ADIPOR2: variants seen among roughly 807,000 people sequenced by gnomAD.
The protein encoded by ADIPOR2 is adiponectin receptor protein 2.
In ADIPOR2, 18 loss-of-function variants were observed where a neutral mutation model predicts 40.9. That is an observed-to-expected ratio of 0.44 (90% CI 0.30 to 0.65). The LOEUF (loss-of-function observed/expected upper bound fraction) is 0.65, where lower values mean the gene tolerates loss of function less well. Among genes scored for constraint, ADIPOR2 ranks in the 30% least tolerant of loss-of-function variants. The probability of loss-of-function intolerance (pLI) is 0.09; values close to 1 mark genes in which losing one functional copy is unlikely to be tolerated. For missense variants in ADIPOR2, 283 were observed against 479.2 expected, an observed-to-expected ratio of 0.59 and a Z score of 3.82; for synonymous variants, 165 against 166.4, an observed-to-expected ratio of 0.99 and a Z score of 0.06.
intron 1 of ADIPOR2, among the ~76,000 whole-genome samples, chr12:1,716,743 A>G (rs2094688416): frequency 6.6e-6 from 1 of 152,166 alleles, no homozygotes; most frequent in Non-Finnish European, 1.5e-5. Flanking sequence ...TTCAGTCTTT[A>G]TTTCCTAAAG....
At position 1,727,244 on chromosome 12, in the gene ADIPOR2, G is replaced by T. The variant is rs115699548; in HGVS notation, c.-86-27014G>T. On this transcript the variant is annotated intron_variant, in intron 1 of 7. Transcript: ENST00000357103. Reference sequence around the variant, plus strand: ...TAGGTCAAGTGTGTACTGTATTTCTGTTCTTTCACAGTTTTTTATTCGATT... The same window carrying T: ...TAGGTCAAGTGTGTACTGTATTTCTTTTCTTTCACAGTTTTTTATTCGATT... Among the ~76,000 whole-genome samples the T allele has an allele frequency of 4.4e-3, 665 of 152,160 alleles. 5 individuals are homozygous for T. Among genetic ancestry groups the T allele is most frequent in the African/African-American group, 0.015 (634 of 41,492 alleles).
chr12:1,695,011 G>GTTTTTTTTTTTTTTT (rs199627849), intron 1 of ADIPOR2, among the ~76,000 whole-genome samples: 1 of 128,312 alleles, frequency 7.8e-6, no homozygotes, highest in Non-Finnish European at 1.6e-5. Flanking sequence ...TTGTGTTGCA[G>GTTTTTTTTTTTTTTT]TTTTTTTTTT....
chr12:1,732,018 A>G (rs561288555), intron 1 of ADIPOR2, among the ~76,000 whole-genome samples: 3 of 151,986 alleles, frequency 2.0e-5, no homozygotes, highest in Admixed American at 6.5e-5. Flanking sequence ...AAAAAAGCTT[A>G]GACTTTTTTT....
intron 2 of ADIPOR2, among the ~76,000 whole-genome samples, chr12:1,769,480 C>T (rs1338038921): frequency 1.3e-5 from 2 of 152,184 alleles, no homozygotes; most frequent in Non-Finnish European, 2.9e-5. Flanking sequence ...TTCCTTTATA[C>T]AAGGGTAGGA....
intron 2 of ADIPOR2, among the ~76,000 whole-genome samples, chr12:1,755,431 C>T (rs1049794926): frequency 6.6e-6 from 1 of 152,168 alleles, no homozygotes; most frequent in African/African-American, 2.4e-5. Flanking sequence ...AGGGAGAAGA[C>T]GTGGTCTATG....
intron 1 of ADIPOR2, among the ~76,000 whole-genome samples, chr12:1,720,342 G>A (rs771006410): frequency 2.0e-5 from 3 of 152,128 alleles, no homozygotes; most frequent in Non-Finnish European, 4.4e-5. Flanking sequence ...GGACTGGTGG[G>A]CAGGGGGTGG....
intron 2 of ADIPOR2, among the ~76,000 whole-genome samples, chr12:1,770,164 C>T (rs1038533862): frequency 6.6e-6 from 1 of 152,170 alleles, no homozygotes; most frequent in African/African-American, 2.4e-5. Context: ...TCAAGCCATC[C>T]TCCTGTCTTG....
intron 2 of ADIPOR2, among the ~76,000 whole-genome samples, chr12:1,768,835 G>C (rs1862438637): frequency 6.6e-6 from 1 of 152,170 alleles, no homozygotes; most frequent in Non-Finnish European, 1.5e-5. Flanking sequence ...CGGGAGGGGG[G>C]AGATATTTCA....
Position 1,779,204 on chromosome 12 carries a change from T to TA in ADIPOR2, c.463+1184dup, listed in dbSNP as rs961274815. On this transcript the variant is annotated intron_variant, in intron 4 of 7. Coordinates refer to ENST00000357103, the MANE Select transcript of ADIPOR2 (RefSeq NM_024551.3). ...CAAGATGACTGAAAACATGTTCACA[T>TA]AAAAACATGAACACAGAAGTTTGCA... 2.0e-5 allele frequency among the ~76,000 whole-genome samples: 3 copies of TA among 152,234 alleles called. No homozygotes were observed. In the East Asian group the frequency reaches 5.8e-4, roughly 29 times the overall value.
chr12:1,772,767 C>T (rs1862513769), intron 2 of ADIPOR2, 75 bp from the exon 3 acceptor site: 5 of 1,485,582 alleles, frequency 3.4e-6, no homozygotes, highest in Non-Finnish European at 4.5e-6. Context: ...ATTATAATTC[C>T]ACAAGGGAAA....
At chr12:1,769,103 C>T (rs1176167394) in intron 2 of ADIPOR2, among the ~76,000 whole-genome samples, 2 of 152,102 alleles carry the variant, frequency 1.3e-5, no homozygotes, top group African/African-American at 2.4e-5. Context: ...TCTTTGGGTA[C>T]TGTGGTTTGG....
intron 2 of ADIPOR2, among the ~76,000 whole-genome samples, chr12:1,767,269 C>CAAAAAA (rs61401998): frequency 1.1e-5 from 1 of 87,464 alleles, no homozygotes; most frequent in South Asian, 4.0e-4. Context: ...AAGACTTCGT[C>CAAAAAA]AAAAAAAAAA....
In ADIPOR2 at chr12:1,713,973, G is replaced by T. The variant is rs575237191; in HGVS notation, c.-87+22782G>T. ...TAAACATACCCGGGGTTCAGTGAGG[G>T]TGATGACATGAGCTGGCGCTTGCCC... is the stretch of plus-strand genomic sequence containing the variant. On this transcript the variant is annotated intron_variant, in intron 1 of 7. Coordinates refer to ENST00000357103, the MANE Select transcript of ADIPOR2 (RefSeq NM_024551.3). Among the ~76,000 whole-genome samples, 169 of 152,180 alleles carry T rather than the reference G, an allele frequency of 1.1e-3. 6 individuals carry two copies. The South Asian group carries it at 0.034, about 31-fold the overall frequency.
In ADIPOR2 at chr12:1,780,784, C is replaced by G. The variant is rs893922616; in HGVS notation, c.651-105C>G. The G allele has an allele frequency of 6.6e-6, 9 of 1,369,756 alleles. No homozygotes were observed. In the African/African-American group the frequency reaches 7.4e-5, roughly 11 times the overall value. The allele number at this position is 1,369,756 out of a possible 1,614,324, so 84.9% of individuals were successfully genotyped here. A position where few individuals can be genotyped will look rare whatever the true frequency, so the allele number is the denominator to read the frequency against. On this transcript the variant is annotated intron_variant, in intron 5 of 7. Transcript: ENST00000357103. Reference sequence around the variant, plus strand: ...AATTAAAGAGCAACCCAGTTTGGCTCTTAGGTGTCGTTGATGGCTTATGTC... The same window carrying G: ...AATTAAAGAGCAACCCAGTTTGGCTGTTAGGTGTCGTTGATGGCTTATGTC...
At chr12:1,763,802 A>C (rs2154443860) in intron 2 of ADIPOR2, among the ~76,000 whole-genome samples, 1 of 152,164 alleles carries the variant, frequency 6.6e-6, no homozygotes, top group Non-Finnish European at 1.5e-5. Context: ...AACATAGCGA[A>C]ACCTTATCTC....
At chr12:1,718,380 A>G (rs770415573) in intron 1 of ADIPOR2, among the ~76,000 whole-genome samples, 2 of 152,056 alleles carry the variant, frequency 1.3e-5, no homozygotes, top group African/African-American at 4.8e-5. Flanking sequence ...TCCAGCATCT[A>G]TTTTCAACTC....
chr12:1,780,520 T>C lies in ADIPOR2; in HGVS notation c.533T>C (p.Leu178Pro). The C allele has an allele frequency of 6.2e-7, 1 of 1,614,016 alleles. No homozygotes were observed. Among genetic ancestry groups the C allele is most frequent in the Non-Finnish European group, 8.5e-7 (1 of 1,179,944 alleles). ...CCAAATATCTCCTTTGTGGCCCCTC[T>C]GCAAGAGAAGGTGGTCTTTGGATTA... ...FRPNISFVAPLQEKVVFGLFF... is the reference protein window; with the variant it reads ...FRPNISFVAPPQEKVVFGLFF... Residue 178 changes from leucine to proline, a missense_variant, in exon 5 of 8, where the codon CTG becomes CCG. Physicochemically the swap from Leu to Pro is moderately conservative, Grantham distance 98. Transcript: ENST00000357103.
At chr12:1,770,220 T>C (rs867454860) in intron 2 of ADIPOR2, among the ~76,000 whole-genome samples, 3 of 152,232 alleles carry the variant, frequency 2.0e-5, no homozygotes, top group South Asian at 2.1e-4. Context: ...CTTAGCCTGA[T>C]AATCAGAATT....
At chr12:1,766,827 CA>C (rs780849533) in intron 2 of ADIPOR2, among the ~76,000 whole-genome samples, 1 of 152,194 alleles carries the variant, frequency 6.6e-6, no homozygotes, top group Non-Finnish European at 1.5e-5. Flanking sequence ...TTTATTCATT[CA>C]ACCTTCATAT....
Sources: allele counts gnomAD v4.1 joint callset (sites outside exome capture counted in the v4.1 genomes callset), GRCh38; gene constraint gnomAD v4.1.1; transcripts MANE v1.5; gene names NCBI Gene and HGNC (gene_info 2026-07-23, HGNC 2026-07-21).